The following CRACDL variants were observed in gnomAD, a reference collection of about 807,000 sequenced individuals.
CRACDL encodes CRACD-like protein.
CRACDL carries 26 observed loss-of-function variants against 70.6 expected under a neutral mutation model. That is an observed-to-expected ratio of 0.37 (90% CI 0.27 to 0.51). The LOEUF (loss-of-function observed/expected upper bound fraction) is 0.51. CRACDL is among the 20% of genes least tolerant of loss of function. CRACDL has a pLI of 0.94. For synonymous variants in CRACDL, 618 were observed against 615.2 expected (o/e 1.00, Z -0.07); for missense variants, 1,283 against 1,376.9 (o/e 0.93, Z 1.08).
chr2:98,865,951 C>T (rs1349466247), intron 1 of CRACDL, among the ~76,000 whole-genome samples: 1 of 152,030 alleles, frequency 6.6e-6, no homozygotes, highest in Non-Finnish European at 1.5e-5. Context: ...CAGGTGCCCA[C>T]CACCGACCTC....
chr2:98,835,992 C>T (rs566111493), intron 3 of CRACDL, among the ~76,000 whole-genome samples: 1 of 152,228 alleles, frequency 6.6e-6, no homozygotes, highest in East Asian at 1.9e-4. Context: ...GAATCTGGAT[C>T]CATCGAATGA....
chr2:98,873,680 C>T (rs888855348), intron 1 of CRACDL, among the ~76,000 whole-genome samples: 20 of 152,226 alleles, frequency 1.3e-4, no homozygotes, highest in Admixed American at 6.5e-5. Context: ...CTTTTCCTCA[C>T]GGAATATTTT....
At chr2:98,884,784 C>G (rs1269359260) in intron 1 of CRACDL, among the ~76,000 whole-genome samples, 1 of 152,200 alleles carries the variant, frequency 6.6e-6, no homozygotes, top group Non-Finnish European at 1.5e-5. Context: ...AGACACCAAC[C>G]TGCCAACGCC....
chr2:98,832,276 G>T, intron 5 of CRACDL, 72 bp downstream of exon 5: 1 of 1,528,784 alleles, frequency 6.5e-7, no homozygotes, highest in Non-Finnish European at 9.1e-7. Context: ...GCACACACAG[G>T]GGATCTCAGA....
chr2:98,898,367 A>G (rs560786277), intron 1 of CRACDL, among the ~76,000 whole-genome samples: 11 of 152,380 alleles, frequency 7.2e-5, no homozygotes, highest in African/African-American at 2.4e-4. Context: ...TAAAAGCATC[A>G]AAGCATGGTG....
intron 1 of CRACDL, among the ~76,000 whole-genome samples, chr2:98,861,486 T>A (rs112096008): frequency 2.6e-5 from 4 of 152,150 alleles, no homozygotes; most frequent in African/African-American, 9.7e-5. Flanking sequence ...GGTGGAAATG[T>A]AAAATGTAGC....
intron 1 of CRACDL, among the ~76,000 whole-genome samples, chr2:98,863,043 C>T (rs2104576703): frequency 6.6e-6 from 1 of 151,998 alleles, no homozygotes; most frequent in Admixed American, 6.5e-5. Context: ...ATGTATAAAA[C>T]ATCCATTTAG....
At chr2:98,881,116 GGGAGGCT>G (rs1284318487) in intron 1 of CRACDL, among the ~76,000 whole-genome samples, 2 of 152,136 alleles carry the variant, frequency 1.3e-5, no homozygotes, top group East Asian at 3.9e-4. Flanking sequence ...TCTGTGTCTG[GGGAGGCT>G]GTGGCTTTGG....
chr2:98,885,854 G>A (rs1325356659), intron 1 of CRACDL, among the ~76,000 whole-genome samples: 2 of 151,202 alleles, frequency 1.3e-5, no homozygotes, highest in Admixed American at 6.6e-5. Flanking sequence ...AGTGACATCA[G>A]CAAAAATGAC....
At chr2:98,897,885 G>A (rs1054508797) in intron 1 of CRACDL, among the ~76,000 whole-genome samples, 16 of 152,240 alleles carry the variant, frequency 1.1e-4, no homozygotes, top group African/African-American at 3.9e-4. Context: ...GGAGATCCCA[G>A]TTGCGGAGCC....
chr2:98,855,546 A>G (rs1165194659), intron 1 of CRACDL, among the ~76,000 whole-genome samples: 2 of 152,200 alleles, frequency 1.3e-5, no homozygotes, highest in African/African-American at 4.8e-5. Flanking sequence ...GTTATCCAAA[A>G]AAAAGGGAAG....
rs1325432916 is a variant in CRACDL at position 98,850,245 on chromosome 2, G to A, written c.-10-3435C>T. On this transcript the variant is annotated intron_variant, in intron 1 of 9. Coordinates refer to ENST00000397899, the MANE Select transcript of CRACDL (RefSeq NM_207362.3). ...CAGGTAAGTGATGAAAACACGTTCA[G>A]GGTCACAGAGGAATGTCTGTCCGGA... Among the ~76,000 whole-genome samples, 3 of 152,230 alleles carry A rather than the reference G, an allele frequency of 2.0e-5. No individual in the cohort carries two copies. The East Asian group carries it at 5.8e-4, about 29-fold the overall frequency.
chr2:98,825,645 A>C (rs1267886199), intron 6 of CRACDL, among the ~76,000 whole-genome samples: 1 of 152,240 alleles, frequency 6.6e-6, no homozygotes, highest in Non-Finnish European at 1.5e-5. Context: ...CAGCACGAGT[A>C]CAGGCAGGTC....
Position 98,862,576 on chromosome 2 carries a change from C to T in CRACDL, c.-10-15766G>A, listed in dbSNP as rs559341507. On this transcript the variant is annotated intron_variant, in intron 1 of 9. Coordinates refer to ENST00000397899, the MANE Select transcript of CRACDL (RefSeq NM_207362.3). The stretch of plus-strand genomic sequence containing the variant: ...ATGTCCAAACAAAATTGAAATATCA[C>T]TGAAGAGATTTTAAAATCTTGAAAC... Among the ~76,000 whole-genome samples, 18 of 152,196 alleles carry T rather than the reference C, an allele frequency of 1.2e-4. No individual in the cohort carries two copies. The East Asian group carries it at 3.5e-3, about 29-fold the overall frequency.
chr2:98,893,307 C>G (rs200994181), intron 1 of CRACDL, among the ~76,000 whole-genome samples: 1,851 of 151,340 alleles, frequency 0.012, 39 homozygotes, highest in African/African-American at 0.042. Flanking sequence ...TTTTTTTAGA[C>G]GAGTCTCGCT....
chr2:98,797,251 C>T (rs917367608), intron 8 of CRACDL, 99 bp downstream of exon 8: 10 of 1,103,916 alleles, frequency 9.1e-6, no homozygotes, highest in African/African-American at 4.7e-5. Flanking sequence ...GTCCCTGTGA[C>T]GCCCATGCAG....
intron 1 of CRACDL, among the ~76,000 whole-genome samples, chr2:98,913,785 T>C (rs1361811880): frequency 6.6e-6 from 1 of 152,108 alleles, no homozygotes; most frequent in Admixed American, 6.5e-5. Flanking sequence ...ATTCAGGCAA[T>C]CCTTTTCTTG....
At chr2:98,865,830 C>T (rs1018949892) in intron 1 of CRACDL, among the ~76,000 whole-genome samples, 1 of 134,304 alleles carries the variant, frequency 7.4e-6, no homozygotes, top group African/African-American at 2.8e-5. Context: ...GACGGAGTTT[C>T]GCTCTTGTTG....
At position 98,798,439 on chromosome 2, in the gene CRACDL, G is replaced by A. The variant is rs1381542657; in HGVS notation, c.2417-902C>T. Among the ~76,000 whole-genome samples the A allele has an allele frequency of 2.7e-4, 16 of 59,458 alleles. No homozygotes were observed. In the South Asian group the frequency reaches 6.0e-3, roughly 22 times the overall value. 39.0% of individuals were successfully genotyped at this position (59,458 alleles called of 152,430 possible). A position where few individuals can be genotyped will look rare whatever the true frequency, so the allele number is the denominator to read the frequency against. ...AGCCTGGGCGACAGAGCGAGACTCC[G>A]TCTCAAAAAAAAAAAAAAAAAAAAA... is the stretch of plus-strand genomic sequence containing the variant. On this transcript the variant is annotated intron_variant, in intron 7 of 9. Coordinates refer to ENST00000397899, the MANE Select transcript of CRACDL (RefSeq NM_207362.3).
Sources: allele counts gnomAD v4.1 joint callset (sites outside exome capture counted in the v4.1 genomes callset), GRCh38; gene constraint gnomAD v4.1.1; transcripts MANE v1.5; gene names NCBI Gene and HGNC (gene_info 2026-07-23, HGNC 2026-07-21).